Variants in BCO1 observed in about 807,000 individuals in gnomAD.
BCO1 encodes the protein beta,beta-carotene 15,15'-dioxygenase.
BCO1 carries 54 observed loss-of-function variants against 56.3 expected under a neutral mutation model. The observed-to-expected ratio is 0.96, with a 90% confidence interval of 0.77 to 1.20. The LOEUF is 1.20. Ranked by LOEUF, BCO1 falls within the 50% of genes most tolerant of loss-of-function variation. BCO1 has a pLI of 0.00. For synonymous variants in BCO1, 318 were observed against 266.1 expected, an observed-to-expected ratio of 1.20 and a Z score of -1.90; for missense variants, 801 against 690.9, an observed-to-expected ratio of 1.16 and a Z score of -1.79.
intron 1 of BCO1, among the ~76,000 whole-genome samples, chr16:81,244,015 C>T (rs1905255476): frequency 6.6e-6 from 1 of 152,254 alleles, no homozygotes; most frequent in East Asian, 1.9e-4. Context: ...ATTTGTCCCC[C>T]AATTCTGCAT....
intron 2 of BCO1, among the ~76,000 whole-genome samples, chr16:81,249,082 CTCTT>C (rs1033373143): frequency 1.6e-5 from 2 of 125,712 alleles, no homozygotes; most frequent in East Asian, 2.2e-4. Context: ...CCTCCATGGT[CTCTT>C]TCTTTCTTTT....
intron 7 of BCO1, among the ~76,000 whole-genome samples, chr16:81,272,216 C>A (rs1160990584): frequency 6.6e-6 from 1 of 150,956 alleles, no homozygotes; most frequent in Non-Finnish European, 1.5e-5. Flanking sequence ...CAGGTTCAAG[C>A]CATTCTCCTT....
At chr16:81,277,665 A>G (rs1337129709) in intron 7 of BCO1, among the ~76,000 whole-genome samples, 1 of 152,186 alleles carries the variant, frequency 6.6e-6, no homozygotes, top group Non-Finnish European at 1.5e-5. Flanking sequence ...GGCAGGCAGC[A>G]TTCTAGGGGA....
intron 1 of BCO1, among the ~76,000 whole-genome samples, chr16:81,240,904 G>A (rs62054696): frequency 6.9e-6 from 1 of 145,174 alleles, no homozygotes; most frequent in Non-Finnish European, 1.5e-5. Context: ...GCGCGATCTC[G>A]GCTCACCACA....
rs555644418 is a variant in BCO1 at position 81,248,588 on chromosome 16, G to C, written c.193+2985G>C. Among the ~76,000 whole-genome samples, 132 of 152,230 alleles carry C rather than the reference G, an allele frequency of 8.7e-4. 1 individual carries two copies. The highest frequency in any genetic ancestry group is 1.7e-3 in the Non-Finnish European group (116 of 68,002). Reference sequence around the variant, plus strand: ...ACCTTGCAGATTTTACTGTGACTCAGCTACAGAATGGGTGGTTCCATATTT... The same window carrying C: ...ACCTTGCAGATTTTACTGTGACTCACCTACAGAATGGGTGGTTCCATATTT... On this transcript the variant is annotated intron_variant, in intron 2 of 10. Transcript: ENST00000258168.
chr16:81,261,872 G>C, intron 3 of BCO1: 1 of 393,300 alleles, frequency 2.5e-6, no homozygotes, highest in East Asian at 6.0e-5. Flanking sequence ...CTCCCGAGTA[G>C]CTGGGACTAC....
At chr16:81,273,483 C>T (rs540721376) in intron 7 of BCO1, among the ~76,000 whole-genome samples, 11 of 152,244 alleles carry the variant, frequency 7.2e-5, no homozygotes, top group South Asian at 6.2e-4. Context: ...TCCCAGCCAG[C>T]GGGCAGGGGA....
intron 5 of BCO1, among the ~76,000 whole-genome samples, chr16:81,266,437 T>G (rs934591599): frequency 1.3e-5 from 2 of 152,162 alleles, no homozygotes; most frequent in Non-Finnish European, 2.9e-5. Context: ...AAAAACTAGT[T>G]TCTGCCTGTG....
At chr16:81,244,334 G>T (rs1905272141) in intron 1 of BCO1, among the ~76,000 whole-genome samples, 1 of 152,152 alleles carries the variant, frequency 6.6e-6, no homozygotes, top group Non-Finnish European at 1.5e-5. Context: ...AAAGAAGCAG[G>T]TGAAATTATT....
intron 6 of BCO1, 78 bp from the exon 7 acceptor site, chr16:81,270,081 G>C (rs759404813): frequency 1.3e-6 from 2 of 1,585,544 alleles, no homozygotes; most frequent in Non-Finnish European, 1.7e-6. Context: ...GCGGGGCTGG[G>C]TTTTGTTCAG....
chr16:81,257,393 T>G (rs533164198), intron 2 of BCO1, among the ~76,000 whole-genome samples: 214 of 151,906 alleles, frequency 1.4e-3, no homozygotes, highest in Non-Finnish European at 2.1e-3. Flanking sequence ...GCCTCCTGAG[T>G]AGCTGGGATT....
chr16:81,287,184 A>G (rs1432002109), intron 9 of BCO1, 111 bp from the exon 10 acceptor site: 1 of 845,562 alleles, frequency 1.2e-6, no homozygotes, highest in African/African-American at 1.7e-5. Flanking sequence ...TCAAAAGTCT[A>G]CATCCGATGG....
intron 1 of BCO1, among the ~76,000 whole-genome samples, chr16:81,240,163 T>C (rs1346490187): frequency 6.6e-6 from 1 of 152,030 alleles, no homozygotes; most frequent in Non-Finnish European, 1.5e-5. Context: ...TGTATGTATA[T>C]TAAATTATAT....
chr16:81,287,174 T>A (rs1363551347), intron 9 of BCO1, 121 bp from the exon 10 acceptor site: 3 of 802,974 alleles, frequency 3.7e-6, no homozygotes, highest in Non-Finnish European at 6.6e-6. Context: ...GGAGACTACG[T>A]CAAAAGTCTA....
chr16:81,257,288 G>A (rs1906199495), intron 2 of BCO1, among the ~76,000 whole-genome samples: 2 of 151,908 alleles, frequency 1.3e-5, no homozygotes, highest in Admixed American at 6.6e-5. Flanking sequence ...TTTTTGAGAC[G>A]GGGTCTCGCT....
intron 8 of BCO1, among the ~76,000 whole-genome samples, chr16:81,281,694 G>A (rs1217973166): frequency 4.6e-5 from 7 of 152,182 alleles, no homozygotes; most frequent in African/African-American, 1.4e-4. Flanking sequence ...AGTCACACCC[G>A]TGGAGCAGGG....
chr16:81,264,270 G>C (rs147716492), intron 4 of BCO1, among the ~76,000 whole-genome samples: 1 of 152,344 alleles, frequency 6.6e-6, no homozygotes, highest in East Asian at 1.9e-4. Flanking sequence ...TCATTGCTCA[G>C]AGCTTTCTGC....
rs113746921 is a variant in BCO1, at chr16:81,290,245, T to C, written c.1415-103T>C. On this transcript the variant is annotated intron_variant, in intron 10 of 10. Coordinates refer to ENST00000258168, the MANE Select transcript of BCO1 (RefSeq NM_017429.3). ...CAAATTCACTCCCTCCTGTTTTGGT[T>C]AGATACATATGTTTAAAGAGGGCAG... 2.0e-3 allele frequency: 1,927 copies of C among 968,468 alleles called. 23 individuals are homozygous for C. The African/African-American group carries it at 0.026, about 13-fold the overall frequency. The allele number at this position is 968,468 out of a possible 1,614,324, so 60.0% of individuals were successfully genotyped here. A position where few individuals can be genotyped will look rare whatever the true frequency, so the allele number is the denominator to read the frequency against.
chr16:81,267,407 G>A (rs1415372172), intron 5 of BCO1, among the ~76,000 whole-genome samples: 3 of 152,192 alleles, frequency 2.0e-5, no homozygotes. Flanking sequence ...GAGGTCAGGA[G>A]TTCGAGAACA....
Sources: gnomAD v4.1 joint callset for allele counts (sites outside exome capture counted in the v4.1 genomes callset) on GRCh38, gnomAD v4.1.1 for gene constraint, MANE v1.5 for transcripts, NCBI Gene and HGNC (gene_info 2026-07-23, HGNC 2026-07-21) for gene names.